Variants in AGBL4 observed in about 807,000 individuals in gnomAD.
AGBL4 encodes cytosolic carboxypeptidase 6.
A neutral mutation model predicts 66.4 loss-of-function variants in AGBL4; 58 were observed. That is an observed-to-expected ratio of 0.87 (90% CI 0.71 to 1.09). AGBL4 has a LOEUF of 1.09. Among genes scored for constraint, AGBL4 ranks in the 50% least tolerant of loss-of-function variants. The pLI is 0.00. For synonymous variants in AGBL4, 234 were observed against 222.9 expected, an observed-to-expected ratio of 1.05 and a Z score of -0.44; for missense variants, 579 against 631.0, an observed-to-expected ratio of 0.92 and a Z score of 0.88.
intron 3 of AGBL4, among the ~76,000 whole-genome samples, chr1:49,601,326 C>G (rs186766662): frequency 6.6e-6 from 1 of 151,976 alleles, no homozygotes; most frequent in African/African-American, 2.4e-5. Context: ...TTGTTCATTT[C>G]TTTTCATTCT....
intron 3 of AGBL4, among the ~76,000 whole-genome samples, chr1:49,350,728 A>C (rs1344313486): frequency 6.6e-6 from 1 of 152,056 alleles, no homozygotes; most frequent in African/African-American, 2.4e-5. Context: ...CACTGCACCC[A>C]ATGTGTAGTC....
intron 4 of AGBL4, among the ~76,000 whole-genome samples, chr1:49,153,494 G>T (rs573002537): frequency 6.6e-6 from 1 of 152,222 alleles, no homozygotes; most frequent in African/African-American, 2.4e-5. Context: ...AAAAGGAAAA[G>T]AGAGAATTTC....
At chr1:49,353,359 A>G (rs1224505200) in intron 3 of AGBL4, among the ~76,000 whole-genome samples, 1 of 152,224 alleles carries the variant, frequency 6.6e-6, no homozygotes, top group Non-Finnish European at 1.5e-5. Context: ...CTATAAACTT[A>G]TTAAAGATGA....
chr1:50,012,313 T>C (rs1353529422), intron 1 of AGBL4, among the ~76,000 whole-genome samples: 2 of 151,652 alleles, frequency 1.3e-5, no homozygotes, highest in Non-Finnish European at 2.9e-5. Flanking sequence ...CTATAGTCAA[T>C]AATAACTTAA....
chr1:49,375,612 G>T (rs1019623199), intron 3 of AGBL4, among the ~76,000 whole-genome samples: 26 of 152,110 alleles, frequency 1.7e-4, no homozygotes, highest in African/African-American at 5.5e-4. Flanking sequence ...AAGCAAAATG[G>T]CCTCATCTTA....
chr1:49,549,368 C>T (rs1188768674), intron 3 of AGBL4, among the ~76,000 whole-genome samples: 1 of 151,532 alleles, frequency 6.6e-6, no homozygotes, highest in African/African-American at 2.4e-5. Context: ...GAGGTGTGAC[C>T]TTAGAATGTC....
intron 4 of AGBL4, among the ~76,000 whole-genome samples, chr1:49,147,998 A>G (rs1480494668): frequency 6.6e-6 from 1 of 152,192 alleles, no homozygotes; most frequent in Non-Finnish European, 1.5e-5. Context: ...GCAGCGAGAT[A>G]CAATGCAAAG....
chr1:49,301,802 G>A (rs751410193), intron 3 of AGBL4, among the ~76,000 whole-genome samples: 2 of 151,954 alleles, frequency 1.3e-5, no homozygotes, highest in Non-Finnish European at 2.9e-5. Context: ...CCCCCACCCA[G>A]GAATGGACTC....
At chr1:48,761,355 T>C (rs1164489547) in intron 6 of AGBL4, 9 of 1,551,858 alleles carry the variant, frequency 5.8e-6, no homozygotes, top group Non-Finnish European at 7.0e-6. Flanking sequence ...GTCTAAGCTG[T>C]AAATCTTCTT....
chr1:49,985,250 AT>A, intron 1 of AGBL4, among the ~76,000 whole-genome samples: 1 of 152,300 alleles, frequency 6.6e-6, no homozygotes, highest in South Asian at 2.1e-4. Context: ...TAAAATAAAA[AT>A]TGAAATTATT....
At chr1:49,445,628 T>C (rs1360944798) in intron 3 of AGBL4, among the ~76,000 whole-genome samples, 1 of 152,112 alleles carries the variant, frequency 6.6e-6, no homozygotes, top group East Asian at 1.9e-4. Context: ...TTCTTTCTTT[T>C]GTCTTATCTA....
intron 3 of AGBL4, among the ~76,000 whole-genome samples, chr1:49,479,883 A>G (rs1166491353): frequency 6.6e-6 from 1 of 150,786 alleles, no homozygotes; most frequent in Non-Finnish European, 1.5e-5. Context: ...AATTTTTTGT[A>G]TTTTTAGTAG....
intron 3 of AGBL4, among the ~76,000 whole-genome samples, chr1:49,320,509 G>A (rs1287011335): frequency 1.3e-5 from 2 of 152,164 alleles, no homozygotes; most frequent in East Asian, 3.9e-4. Context: ...TACACACAAG[G>A]AAGAATCCAG....
intron 2 of AGBL4, among the ~76,000 whole-genome samples, chr1:49,711,013 T>G (rs552286131): frequency 8.6e-5 from 13 of 151,900 alleles, no homozygotes; most frequent in Admixed American, 3.3e-4. Flanking sequence ...AAATGCATAT[T>G]AAAACCACAA....
intron 3 of AGBL4, among the ~76,000 whole-genome samples, chr1:49,654,179 TAAAG>T (rs1646068990): frequency 6.6e-6 from 1 of 152,112 alleles, no homozygotes; most frequent in Non-Finnish European, 1.5e-5. Flanking sequence ...TCAACATTCT[TAAAG>T]AAAAAAATGT....
At position 48,966,912 on chromosome 1, in the gene AGBL4, G is replaced by A. The variant is rs1346751562; in HGVS notation, c.594+78672C>T. 5.3e-5 allele frequency among the ~76,000 whole-genome samples: 8 copies of A among 152,192 alleles called. No individual in the cohort carries two copies. In the South Asian group the frequency reaches 6.2e-4, roughly 12 times the overall value. ...AATGGAGTCCAATTCAGGTCACATG[G>A]TGGGTAAATGGGAGGGTCCTCTCCT... On this transcript the variant is annotated intron_variant, in intron 5 of 13. Transcript: ENST00000371839.
chr1:49,565,888 CAG>C (rs1644187430), intron 3 of AGBL4, among the ~76,000 whole-genome samples: 1 of 152,162 alleles, frequency 6.6e-6, no homozygotes, highest in South Asian at 2.1e-4. Context: ...TAATATCCTG[CAG>C]AGTGTTTTCC....
intron 6 of AGBL4, among the ~76,000 whole-genome samples, chr1:48,836,009 G>T (rs1646661877): frequency 6.6e-6 from 1 of 152,080 alleles, no homozygotes; most frequent in South Asian, 2.1e-4. Context: ...GTACAGAAAT[G>T]ACCACATGTA....
At chr1:49,939,698 T>C (rs370754476) in intron 1 of AGBL4, among the ~76,000 whole-genome samples, 1 of 152,138 alleles carries the variant, frequency 6.6e-6, no homozygotes, top group Non-Finnish European at 1.5e-5. Flanking sequence ...ATACAAAAAT[T>C]AATTCAAGAT....
Sources: gnomAD v4.1 joint callset for allele counts (sites outside exome capture counted in the v4.1 genomes callset) on GRCh38, gnomAD v4.1.1 for gene constraint, MANE v1.5 for transcripts, NCBI Gene and HGNC (gene_info 2026-07-23, HGNC 2026-07-21) for gene names.